The following NPC1 variants were observed in gnomAD, a reference collection of about 807,000 sequenced individuals.
NPC1 encodes the protein Niemann-Pick C1 protein.
NPC1 carries 85 observed loss-of-function variants against 140.4 expected under a neutral mutation model. That is an observed-to-expected ratio of 0.61 (90% CI 0.51 to 0.72). The LOEUF (loss-of-function observed/expected upper bound fraction) is 0.72. Ranked by LOEUF, NPC1 falls within the 30% of genes least tolerant of loss-of-function variation. The pLI is 0.00. For missense variants in NPC1, 1,504 were observed against 1,623.8 expected (o/e 0.93, Z 1.27); for synonymous variants, 656 against 624.8 (o/e 1.05, Z -0.74).
intron 3 of NPC1, among the ~76,000 whole-genome samples, chr18:23,569,950 T>C (rs1567978005): frequency 1.3e-5 from 2 of 152,214 alleles, no homozygotes; most frequent in African/African-American, 2.4e-5. Flanking sequence ...TCATTAGACT[T>C]GCATTCTTGC....
At chr18:23,541,808 T>G (rs2058717094) in intron 14 of NPC1, among the ~76,000 whole-genome samples, 1 of 152,176 alleles carries the variant, frequency 6.6e-6, no homozygotes, top group Non-Finnish European at 1.5e-5. Context: ...ATTTATTACA[T>G]CAACACTACT....
At chr18:23,534,673 G>T in intron 22 of NPC1, 114 bp from the exon 23 acceptor site, 1 of 797,932 alleles carries the variant, frequency 1.3e-6, no homozygotes, top group Non-Finnish European at 2.1e-6. Flanking sequence ...GCTAGAGGAG[G>T]CCAAGCATCC....
intron 1 of NPC1, chr18:23,576,430 A>C: frequency 2.0e-6 from 2 of 980,930 alleles, no homozygotes; most frequent in Non-Finnish European, 2.4e-6. Flanking sequence ...TCAAAAAAAA[A>C]GTCATCCTGC....
chr18:23,553,145 C>T (rs1428913982), intron 9 of NPC1, among the ~76,000 whole-genome samples: 1 of 152,232 alleles, frequency 6.6e-6, no homozygotes, highest in East Asian at 1.9e-4. Context: ...CTCCCTGTAC[C>T]GCTTCCACAC....
At position 23,531,931 on chromosome 18, in the gene NPC1, T is replaced by C. The variant is rs2058524720; in HGVS notation, c.*271A>G. ...GCGGATCACATTCACAGCCATCTAG[T>C]GTCACCTCCTGCTTGCCAAAGAATG... On this transcript the variant is annotated 3_prime_UTR_variant, in exon 25 of 25. Coordinates refer to ENST00000269228, the MANE Select transcript of NPC1 (RefSeq NM_000271.5). 6.9e-7 allele frequency: 1 copy of C among 1,444,342 alleles called. No homozygotes were observed. The highest frequency in any genetic ancestry group is 9.0e-7 in the Non-Finnish European group (1 of 1,106,648). 89.5% of individuals were successfully genotyped at this position (1,444,342 alleles called of 1,614,324 possible).
At position 23,535,602 on chromosome 18, in the gene NPC1, A is replaced by G. The variant is rs1032965504; in HGVS notation, c.3344T>C (p.Val1115Ala). 1.2e-6 allele frequency: 2 copies of G among 1,614,146 alleles called. No individual in the cohort carries two copies. The highest frequency in any genetic ancestry group is 2.7e-5 in the African/African-American group (2 of 75,030). ...SLGAIFLVTM[V>A]LLGCELWSAV... is the part of the protein sequence containing the mutation. ...AGACCAGAGCTCACAGCCCAGGAGGACCATGGTCACCAGAAATATCGCGCC... is the reference window on the plus strand; with the variant it reads ...AGACCAGAGCTCACAGCCCAGGAGGGCCATGGTCACCAGAAATATCGCGCC... Residue 1115 changes from valine (V) to alanine (A), a missense_variant, in exon 22 of 25, where the codon GTC becomes GCC. Transcript: ENST00000269228.
chr18:23,506,326 G>A (rs779207531), exon 4 of NPC1: 5 of 151,402 alleles, frequency 3.3e-5, no homozygotes, highest in South Asian at 2.1e-4. Context: ...TTCAGACCCC[G>A]AAAAGTTTCC....
chr18:23,561,532 A>T lies in NPC1; in HGVS notation c.464-5T>A. ...CCCGGCAGGCATTGTACATTGCTAG[A>T]AGAGGAAACCCAAAGGAAAAAGGAG... On this transcript the variant is annotated splice_polypyrimidine_tract_variant and splice_region_variant and intron_variant, in intron 4 of 24. Transcript: ENST00000269228. 6.2e-7 allele frequency: 1 copy of T among 1,613,950 alleles called. No individual in the cohort carries two copies. Among genetic ancestry groups the T allele is most frequent in the Non-Finnish European group, 8.5e-7 (1 of 1,180,004 alleles).
At chr18:23,513,936 A>G (rs1363160693) in intron 3 of NPC1, among the ~76,000 whole-genome samples, 1 of 152,172 alleles carries the variant, frequency 6.6e-6, no homozygotes, top group Non-Finnish European at 1.5e-5. Context: ...CTTCTTAGAG[A>G]TACAATTTGC....
chr18:23,577,812 C>T (rs2059308627), intron 1 of NPC1, among the ~76,000 whole-genome samples: 1 of 152,268 alleles, frequency 6.6e-6, no homozygotes, highest in Non-Finnish European at 1.5e-5. Context: ...AAATCGAGCG[C>T]AGCGCCGGTG....
intron 6 of NPC1, among the ~76,000 whole-genome samples, chr18:23,560,010 A>G (rs374060127): frequency 6.6e-6 from 1 of 152,190 alleles, no homozygotes; most frequent in Non-Finnish European, 1.5e-5. Context: ...ATCACACATC[A>G]TTTTGAATAA....
intron 3 of NPC1, chr18:23,516,186 T>A (rs1598868667): frequency 6.1e-6 from 8 of 1,308,942 alleles, no homozygotes; most frequent in African/African-American, 1.5e-5. Context: ...AGACAGGCTG[T>A]GAGAGGACAT....
intron 3 of NPC1, among the ~76,000 whole-genome samples, chr18:23,517,267 A>G (rs1344730479): frequency 1.3e-5 from 2 of 151,672 alleles, no homozygotes; most frequent in Non-Finnish European, 2.9e-5. Flanking sequence ...CTCCTGCCTC[A>G]GCCTCCCGAG....
At position 23,535,687 on chromosome 18, in the gene NPC1, A is replaced by G. The variant is rs746715353; in HGVS notation, c.3259T>C (p.Phe1087Leu). The G allele has an allele frequency of 1.7e-5, 28 of 1,613,332 alleles. No individual in the cohort carries two copies. The highest frequency in any genetic ancestry group is 2.7e-5 in the African/African-American group (2 of 74,880). ...ATGATGGTCAGGTACTGTTCGTAGA[A>G]GACATAAAACACACTGGAGGGGAGA... is the stretch of plus-strand genomic sequence containing the variant. ...RVFPYSVFYVFYEQYLTIIDD... is the reference protein window; with the variant it reads ...RVFPYSVFYVLYEQYLTIIDD... The change falls in exon 22 of 25, where the codon TTC becomes CTC. Residue 1087 changes from phenylalanine to leucine, a missense_variant. Coordinates refer to ENST00000269228, the MANE Select transcript of NPC1 (RefSeq NM_000271.5).
intron 9 of NPC1, among the ~76,000 whole-genome samples, chr18:23,553,951 T>C (rs553533258): frequency 7.2e-5 from 11 of 152,294 alleles, no homozygotes; most frequent in Admixed American, 6.5e-4. Flanking sequence ...GACTGGGCTA[T>C]ATATCTGAGA....
At chr18:23,550,174 G>A (rs969099379) in intron 10 of NPC1, among the ~76,000 whole-genome samples, 8 of 151,946 alleles carry the variant, frequency 5.3e-5, no homozygotes, top group African/African-American at 1.9e-4. Context: ...ACCATGCCCA[G>A]CTAATTTTTG....
At chr18:23,516,325 C>T in intron 3 of NPC1, 1 of 1,614,182 alleles carries the variant, frequency 6.2e-7, no homozygotes, top group Admixed American at 1.7e-5. Context: ...AACAGGCTGG[C>T]ACTATGTCGA....
chr18:23,541,456 G>GC, intron 14 of NPC1, 23 bp from the exon 15 acceptor site: 1 of 1,614,132 alleles, frequency 6.2e-7, no homozygotes, highest in Non-Finnish European at 8.5e-7. Flanking sequence ...GAAGGGCTCT[G>GC]CGTCACTTCT....
chr18:23,544,940 A>ACCT lies in NPC1; in HGVS notation c.1947+19_1947+20insAGG. On this transcript the variant is annotated intron_variant, in intron 12 of 24. Transcript: ENST00000269228. ...ACTGCTGTTAACCTCTAGAACATAC[A>ACCT]CCACCCCCCCCCGGCTTACCAGAAG... is the stretch of plus-strand genomic sequence containing the variant. 8.3e-7 allele frequency: 1 copy of ACCT among 1,202,308 alleles called. No homozygotes were observed. Among genetic ancestry groups the ACCT allele is most frequent in the Non-Finnish European group, 1.2e-6 (1 of 857,588 alleles). The allele number at this position is 1,202,308 out of a possible 1,614,324, so 74.5% of individuals were successfully genotyped here. A position where few individuals can be genotyped will look rare whatever the true frequency, so the allele number is the denominator to read the frequency against.
Sources: gnomAD v4.1 joint callset for allele counts (sites outside exome capture counted in the v4.1 genomes callset) on GRCh38, gnomAD v4.1.1 for gene constraint, MANE v1.5 for transcripts, NCBI Gene and HGNC (gene_info 2026-07-23, HGNC 2026-07-21) for gene names.